The following STX2 variants were observed in gnomAD, a reference collection of about 807,000 sequenced individuals.
The protein encoded by STX2 is syntaxin 2.
Under a neutral mutation model 40.6 loss-of-function variants are expected in STX2, and 27 were observed. The observed-to-expected ratio is 0.66, with a 90% CI of 0.49 to 0.92. The LOEUF is 0.92. Ranked by LOEUF, STX2 falls within the 40% of genes least tolerant of loss-of-function variation. The pLI is 0.00. For missense variants in STX2, 328 were observed against 366.1 expected (o/e 0.90, Z 0.85); for synonymous variants, 123 against 119.1 (o/e 1.03, Z -0.22).
intron 1 of STX2, among the ~76,000 whole-genome samples, chr12:130,827,646 G>T (rs1216425512): frequency 1.3e-5 from 2 of 152,274 alleles, no homozygotes; most frequent in African/African-American, 4.8e-5. Flanking sequence ...AGCCGCAGTG[G>T]CTCACGCCTG....
intron 3 of STX2, among the ~76,000 whole-genome samples, chr12:130,819,756 G>C (rs959877642): frequency 1.3e-5 from 2 of 152,124 alleles, no homozygotes; most frequent in Admixed American, 6.5e-5. Context: ...AGCTAAACAG[G>C]CTTCCTTCTA....
chr12:130,821,586 C>A, intron 3 of STX2, 103 bp downstream of exon 3: 1 of 927,002 alleles, frequency 1.1e-6, no homozygotes, highest in Non-Finnish European at 1.7e-6. Flanking sequence ...TTCATACAAA[C>A]TCCCCTGAAT....
At chr12:130,817,425 G>A (rs1371135813) in intron 3 of STX2, among the ~76,000 whole-genome samples, 7 of 152,060 alleles carry the variant, frequency 4.6e-5, no homozygotes. Context: ...GAGAAAAAAT[G>A]ATGAAAAATA....
chr12:130,798,583 A>T lies in STX2; in HGVS notation c.728T>A (p.Val243Glu). 1.2e-6 allele frequency: 2 copies of T among 1,608,880 alleles called. No individual in the cohort carries two copies. The highest frequency in any genetic ancestry group is 8.5e-7 in the Non-Finnish European group (1 of 1,178,676). Residue 243 changes from valine (V) to glutamate (E), a missense_variant, in exon 9 of 11, where the codon GTA becomes GAA. Val to Glu is a moderately radical substitution (Grantham distance 121, BLOSUM62 -2). Coordinates refer to ENST00000392373, the MANE Select transcript of STX2 (RefSeq NM_194356.4). Reference sequence around the variant, plus strand: ...TTTTGTTTCTTCTTTAGCGTGTTCTACATAGTCTGTGGCATTCATAACATT... The same window carrying T: ...TTTTGTTTCTTCTTTAGCGTGTTCTTCATAGTCTGTGGCATTCATAACATT... ...ERNVMNATDY[V>E]EHAKEETKKA...
chr12:130,831,109 C>T (rs1001004245), intron 1 of STX2, among the ~76,000 whole-genome samples: 5 of 152,150 alleles, frequency 3.3e-5, no homozygotes, highest in Admixed American at 2.6e-4. Context: ...GCCATTGGAA[C>T]GATCATCATT....
intron 6 of STX2, among the ~76,000 whole-genome samples, chr12:130,803,337 C>T (rs938004345): frequency 6.6e-6 from 1 of 151,932 alleles, no homozygotes; most frequent in Non-Finnish European, 1.5e-5. Flanking sequence ...CCTATCTCTA[C>T]AAAAAATAAA....
At chr12:130,838,677 T>C (rs151166056) in intron 1 of STX2, among the ~76,000 whole-genome samples, 20 of 152,294 alleles carry the variant, frequency 1.3e-4, no homozygotes, top group African/African-American at 4.6e-4. Context: ...GGACCACAGT[T>C]AGGCCAGTGG....
chr12:130,839,004 G>GC, intron 1 of STX2, 66 bp downstream of exon 1: 1 of 1,014,512 alleles, frequency 9.9e-7, no homozygotes, highest in Non-Finnish European at 1.3e-6. Flanking sequence ...GACGCCCCGA[G>GC]CCCCCGCCCG....
intron 2 of STX2, among the ~76,000 whole-genome samples, chr12:130,826,860 T>A (rs933651710): frequency 1.3e-5 from 2 of 148,226 alleles, no homozygotes; most frequent in Non-Finnish European, 3.0e-5. Context: ...AAAAAAAGAA[T>A]TAGCTGGGTG....
At chr12:130,838,055 G>A (rs958659886) in intron 1 of STX2, among the ~76,000 whole-genome samples, 1 of 151,798 alleles carries the variant, frequency 6.6e-6, no homozygotes, top group African/African-American at 2.4e-5. Flanking sequence ...TAGCAGCAGA[G>A]GAGAGAGAAT....
intron 10 of STX2, among the ~76,000 whole-genome samples, chr12:130,792,525 G>A (rs1334735101): frequency 6.6e-6 from 1 of 152,214 alleles, no homozygotes; most frequent in Non-Finnish European, 1.5e-5. Flanking sequence ...GAGCAGTGGT[G>A]CAGACATGGC....
rs1593136945 is a variant in STX2 at position 130,807,006 on chromosome 12, G to A, written c.439C>T (p.Arg147Cys). Residue 147 changes from arginine (R) to cysteine (C), a missense_variant, in exon 6 of 11, where the codon CGC becomes TGC. By Grantham distance (180) the Arg-to-Cys change is radical (BLOSUM62 -3). Coordinates refer to ENST00000392373, the MANE Select transcript of STX2 (RefSeq NM_194356.4). ...QTLFRERSKG[R>C]IQRQLEITGR... is the part of the protein sequence containing the mutation. ...CTTATCTCCAGCTGGCGCTGGATGC[G>A]GCCTTTGCTCCGCTCCCGAAACAGA... 4 of 1,614,152 alleles carry A rather than the reference G, an allele frequency of 2.5e-6. No individual in the cohort carries two copies. The highest frequency in any genetic ancestry group is 3.4e-6 in the Non-Finnish European group (4 of 1,179,996).
intron 6 of STX2, among the ~76,000 whole-genome samples, 183 bp from the exon 7 acceptor site, chr12:130,801,671 T>C (rs1435782883): frequency 6.6e-6 from 1 of 152,156 alleles, no homozygotes; most frequent in Non-Finnish European, 1.5e-5. Context: ...CAAGAAGAAA[T>C]AAAAATACTC....
At chr12:130,794,841 A>G (rs540313909) in intron 10 of STX2, among the ~76,000 whole-genome samples, 2 of 152,358 alleles carry the variant, frequency 1.3e-5, no homozygotes, top group East Asian at 3.9e-4. Flanking sequence ...CCATAACCCA[A>G]GAATAAATTC....
intron 2 of STX2, 87 bp from the exon 3 acceptor site, chr12:130,821,875 G>A: frequency 2.7e-6 from 2 of 733,212 alleles, no homozygotes; most frequent in East Asian, 2.7e-5. Context: ...ATAAAGGAGG[G>A]AAATAAATAA....
At chr12:130,801,600 AT>A (rs1195238699) in intron 6 of STX2, 112 bp from the exon 7 acceptor site, 7 of 1,187,340 alleles carry the variant, frequency 5.9e-6, no homozygotes, top group South Asian at 5.2e-5. Flanking sequence ...TTTTTCAGTA[AT>A]TTTTTTAACC....
intron 10 of STX2, among the ~76,000 whole-genome samples, chr12:130,795,136 GCTAA>G (rs912324551): frequency 4.6e-5 from 7 of 152,122 alleles, no homozygotes; most frequent in African/African-American, 1.7e-4. Flanking sequence ...TAACAGGCAT[GCTAA>G]CTAAATATAA....
chr12:130,832,165 A>AT (rs537493246), intron 1 of STX2, among the ~76,000 whole-genome samples: 13,226 of 146,822 alleles, frequency 0.09, 608 homozygotes, highest in African/African-American at 0.1. Flanking sequence ...CAATTTAATC[A>AT]TTTTTTTTTT....
chr12:130,806,880 A>G lies in STX2; in HGVS notation c.463+102T>C, dbSNP rs181067870. The G allele has an allele frequency of 3.3e-5, 37 of 1,121,588 alleles. No homozygotes were observed. The East Asian group carries it at 8.4e-4, about 25-fold the overall frequency. The allele number at this position is 1,121,588 out of a possible 1,614,324, so 69.5% of individuals were successfully genotyped here. A position where few individuals can be genotyped will look rare whatever the true frequency, so the allele number is the denominator to read the frequency against. The stretch of plus-strand genomic sequence containing the variant: ...GTCTTTGGGTTTTACACTATTGGTG[A>G]AAATAGACATGGATTTCCTTTTCTG... On this transcript the variant is annotated intron_variant, in intron 6 of 10. Transcript: ENST00000392373.
Sources: allele counts gnomAD v4.1 joint callset (sites outside exome capture counted in the v4.1 genomes callset), GRCh38; gene constraint gnomAD v4.1.1; transcripts MANE v1.5; gene names NCBI Gene and HGNC (gene_info 2026-07-23, HGNC 2026-07-21).